TG: variants seen among roughly 807,000 people sequenced by gnomAD.
The protein encoded by TG is thyroid hormones.
Under a neutral mutation model 324.7 loss-of-function variants are expected in TG, and 270 were observed. The observed-to-expected ratio is 0.83, with a 90% confidence interval of 0.75 to 0.92. TG has a LOEUF of 0.92. Among genes scored for constraint, TG ranks in the 40% least tolerant of loss-of-function variants. TG has a pLI of 0.00. For synonymous variants in TG, 1,401 were observed against 1,327.0 expected, an observed-to-expected ratio of 1.06 and a Z score of -1.21; for missense variants, 3,591 against 3,456.4, an observed-to-expected ratio of 1.04 and a Z score of -0.98.
chr8:133,127,280 A>G (rs972828912), intron 45 of TG, among the ~76,000 whole-genome samples: 4 of 152,154 alleles, frequency 2.6e-5, no homozygotes, highest in African/African-American at 9.7e-5. Flanking sequence ...TTTGTGGATT[A>G]TGACTCCTGA....
intron 35 of TG, among the ~76,000 whole-genome samples, chr8:132,986,325 G>GTA (rs1379533460): frequency 6.0e-5 from 9 of 149,190 alleles, no homozygotes; most frequent in South Asian, 2.1e-4. Flanking sequence ...GTGTGTGTGT[G>GTA]TATATATATA....
chr8:132,893,557 G>C (rs1816651750), intron 10 of TG, 133 bp from the exon 11 acceptor site: 2 of 1,247,430 alleles, frequency 1.6e-6, no homozygotes, highest in Admixed American at 1.8e-5. Context: ...GGGGTGGTGT[G>C]TATGTGTGTG....
At chr8:132,931,139 T>G (rs1203705465) in intron 23 of TG, among the ~76,000 whole-genome samples, 2 of 152,238 alleles carry the variant, frequency 1.3e-5, no homozygotes, top group African/African-American at 2.4e-5. Flanking sequence ...CCTGGGCTTG[T>G]AGGTGACTCA....
intron 35 of TG, among the ~76,000 whole-genome samples, chr8:132,998,508 T>C (rs1466408244): frequency 6.6e-6 from 1 of 152,088 alleles, no homozygotes; most frequent in African/African-American, 2.4e-5. Context: ...AGAGAGCCCA[T>C]TGGGTTAGTC....
intron 11 of TG, 137 bp downstream of exon 11, chr8:132,894,066 A>G (rs1816751032): frequency 7.2e-7 from 1 of 1,385,630 alleles, no homozygotes; most frequent in African/African-American, 1.4e-5. Context: ...AGGAAAAGGC[A>G]AAGTGGTTTG....
At chr8:133,005,898 T>C (rs1214824417) in intron 35 of TG, among the ~76,000 whole-genome samples, 1 of 152,142 alleles carries the variant, frequency 6.6e-6, no homozygotes, top group Non-Finnish European at 1.5e-5. Context: ...GGACAGTCAC[T>C]GTGTAGGAGC....
intron 35 of TG, among the ~76,000 whole-genome samples, chr8:132,986,394 G>A (rs1327934927): frequency 9.2e-6 from 1 of 108,534 alleles, no homozygotes; most frequent in African/African-American, 4.1e-5. Flanking sequence ...GTATATATGT[G>A]TATATATATG....
At chr8:132,954,103 A>C (rs9643296) in intron 27 of TG, among the ~76,000 whole-genome samples, 12,209 of 152,072 alleles carry the variant, frequency 0.08, 532 homozygotes, top group South Asian at 0.15. Context: ...TGTTCACTTT[A>C]TAGGGGTCTG....
intron 5 of TG, among the ~76,000 whole-genome samples, chr8:132,874,591 T>C (rs1839790574): frequency 6.6e-6 from 1 of 152,226 alleles, no homozygotes; most frequent in African/African-American, 2.4e-5. Context: ...GAAATTCTCA[T>C]GGGCTGTGCC....
chr8:133,092,490 C>T (rs556756771), intron 41 of TG, among the ~76,000 whole-genome samples: 1 of 152,356 alleles, frequency 6.6e-6, no homozygotes, highest in Admixed American at 6.5e-5. Flanking sequence ...GATCCCTTTA[C>T]ATCCTGTGGG....
intron 41 of TG, among the ~76,000 whole-genome samples, chr8:133,066,983 T>C (rs1480940549): frequency 6.6e-6 from 1 of 152,210 alleles, no homozygotes; most frequent in Non-Finnish European, 1.5e-5. Context: ...CAGTTGGTCA[T>C]GGCTCTTTTG....
chr8:132,956,794 A>G (rs1356445637), intron 27 of TG, among the ~76,000 whole-genome samples: 2 of 152,112 alleles, frequency 1.3e-5, no homozygotes, highest in Non-Finnish European at 2.9e-5. Context: ...GGAAGGGGCC[A>G]AGGTCAAAGC....
chr8:133,040,618 A>G (rs1250263185), intron 41 of TG, among the ~76,000 whole-genome samples: 1 of 152,158 alleles, frequency 6.6e-6, no homozygotes, highest in Non-Finnish European at 1.5e-5. Context: ...TTACAATGGA[A>G]CAGGTGGACT....
intron 46 of TG, 78 bp downstream of exon 46, chr8:133,132,024 A>G: frequency 6.3e-7 from 1 of 1,587,010 alleles, no homozygotes; most frequent in Non-Finnish European, 8.6e-7. Context: ...GCAAAGGCCC[A>G]ATTTGCATCG....
chr8:132,933,933 A>C (rs1449020444), intron 24 of TG, among the ~76,000 whole-genome samples: 1 of 152,106 alleles, frequency 6.6e-6, no homozygotes, highest in Non-Finnish European at 1.5e-5. Flanking sequence ...TCAGGAGAGA[A>C]CCACCTGCCC....
rs112111142 is a variant in TG, at chr8:132,868,310, C to T, written c.176+87C>T. 31 of 1,177,684 alleles carry T rather than the reference C, an allele frequency of 2.6e-5. 1 individual carries two copies. The highest frequency in any genetic ancestry group is 1.4e-4 in the African/African-American group (9 of 66,064). 73.0% of individuals were successfully genotyped at this position (1,177,684 alleles called of 1,614,324 possible). On this transcript the variant is annotated intron_variant, in intron 2 of 47. Coordinates refer to ENST00000220616, the MANE Select transcript of TG (RefSeq NM_003235.5). The stretch of plus-strand genomic sequence containing the variant: ...CTTCCCCCCTCTTCCTGAGCTCTGC[C>T]CTGCAACTCCTTTGTGCATGTGAGG...
chr8:132,888,166 C>T lies in TG; in HGVS notation c.2359C>T (p.Arg787Ter), dbSNP rs752966476. The change falls in exon 10 of 48, where the codon CGA becomes TGA. Residue 787 changes from arginine (R) to a stop codon, truncating the protein, a stop_gained. Coordinates refer to ENST00000220616, the MANE Select transcript of TG (RefSeq NM_003235.5). LOFTEE classifies it high-confidence loss of function. ...TGAGCAGGTCTTCGAGTTGTACCAA[C>T]GATGGGAGGCTCAGAACAAGGGCCA... ...PPEQVFELYQ[R>*]WEAQNKGQDL... 3.3e-5 allele frequency: 53 copies of T among 1,614,020 alleles called. No homozygotes were observed. The highest frequency in any genetic ancestry group is 5.3e-5 in the African/African-American group (4 of 74,910).
rs563394313 is a variant in TG at position 132,979,638 on chromosome 8, T to C, written c.6200-3712T>C. Reference sequence around the variant, plus strand: ...CTCATTTAATTCCCTAACAATCTCATGAGGTAGGGCCTACTGTTACCCCAT... The same window carrying C: ...CTCATTTAATTCCCTAACAATCTCACGAGGTAGGGCCTACTGTTACCCCAT... On this transcript the variant is annotated intron_variant, in intron 34 of 47. Coordinates refer to ENST00000220616, the MANE Select transcript of TG (RefSeq NM_003235.5). Among the ~76,000 whole-genome samples the C allele has an allele frequency of 2.0e-5, 3 of 152,308 alleles. No individual in the cohort carries two copies. The South Asian group carries it at 6.2e-4, about 32-fold the overall frequency.
At chr8:132,881,472 T>A (rs1056299596) in intron 5 of TG, among the ~76,000 whole-genome samples, 1 of 152,178 alleles carries the variant, frequency 6.6e-6, no homozygotes, top group Non-Finnish European at 1.5e-5. Flanking sequence ...GTACCATATG[T>A]TTGTAAAGCA....
Sources: allele counts gnomAD v4.1 joint callset (sites outside exome capture counted in the v4.1 genomes callset), GRCh38; gene constraint gnomAD v4.1.1; transcripts MANE v1.5; gene names NCBI Gene and HGNC (gene_info 2026-07-23, HGNC 2026-07-21).